GPC5: variants seen among roughly 807,000 people sequenced by gnomAD.
GPC5 encodes the protein glypican-5.
GPC5 carries 47 observed loss-of-function variants against 53.9 expected under a neutral mutation model. That is an observed-to-expected ratio of 0.87 (90% CI 0.69 to 1.11). The LOEUF (loss-of-function observed/expected upper bound fraction) is 1.11, where lower values mean the gene tolerates loss of function less well. Among genes scored for constraint, GPC5 ranks in the 50% most tolerant of loss-of-function variants. GPC5 has a pLI of 0.00. For missense variants in GPC5, 748 were observed against 713.1 expected (o/e 1.05, Z -0.56); for synonymous variants, 286 against 263.3 (o/e 1.09, Z -0.84).
chr13:91,959,626 T>C (rs1052516829), intron 6 of GPC5, among the ~76,000 whole-genome samples: 4 of 151,964 alleles, frequency 2.6e-5, no homozygotes, highest in Non-Finnish European at 5.9e-5. Flanking sequence ...CTGATGAACA[T>C]AGACACAAAA....
chr13:91,673,193 T>C (rs572267294), intron 2 of GPC5, among the ~76,000 whole-genome samples: 2 of 151,928 alleles, frequency 1.3e-5, no homozygotes, highest in Non-Finnish European at 2.9e-5. Context: ...ATGTATCCTG[T>C]GGTTTTATTT....
Position 91,847,219 on chromosome 13 carries a change from C to CAAA in GPC5, c.1281-60701_1281-60699dup, listed in dbSNP as rs58401616. On this transcript the variant is annotated intron_variant, in intron 5 of 7. Transcript: ENST00000377067. The stretch of plus-strand genomic sequence containing the variant: ...TGGGCGACAGAGCAAGACTCCATCT[C>CAAA]AAAAAAAAAAAAAAAAAAAGAAATG... Among the ~76,000 whole-genome samples, 98 of 85,952 alleles carry CAAA rather than the reference C, an allele frequency of 1.1e-3. 3 individuals are homozygous for CAAA. The highest frequency in any genetic ancestry group is 4.4e-3 in the African/African-American group (92 of 20,942). 56.4% of individuals were successfully genotyped at this position (85,952 alleles called of 152,430 possible).
At chr13:92,812,391 C>A (rs1397703507) in intron 7 of GPC5, among the ~76,000 whole-genome samples, 1 of 151,636 alleles carries the variant, frequency 6.6e-6, no homozygotes, top group Non-Finnish European at 1.5e-5. Flanking sequence ...TATACAAATA[C>A]AATTCATTCA....
At chr13:91,612,876 A>G (rs1301453926) in intron 2 of GPC5, among the ~76,000 whole-genome samples, 1 of 152,200 alleles carries the variant, frequency 6.6e-6, no homozygotes, top group Non-Finnish European at 1.5e-5. Flanking sequence ...ACCATCACAG[A>G]ACATCTGTCC....
chr13:92,638,775 A>G (rs1463489215), intron 7 of GPC5, among the ~76,000 whole-genome samples: 1 of 152,180 alleles, frequency 6.6e-6, no homozygotes, highest in East Asian at 1.9e-4. Context: ...GGGGCAGAGT[A>G]CTCGTCAACT....
intron 7 of GPC5, among the ~76,000 whole-genome samples, chr13:92,697,383 G>A (rs1887588499): frequency 6.6e-6 from 1 of 152,026 alleles, no homozygotes; most frequent in African/African-American, 2.4e-5. Flanking sequence ...TTGTGCAGTG[G>A]TTTGTAGTTC....
chr13:91,985,729 A>G (rs2040400735), intron 6 of GPC5, among the ~76,000 whole-genome samples: 2 of 152,092 alleles, frequency 1.3e-5, no homozygotes, highest in Non-Finnish European at 2.9e-5. Flanking sequence ...TTACTTTCTT[A>G]TCCCTTCAGC....
At chr13:92,280,672 T>C (rs999139239) in intron 7 of GPC5, among the ~76,000 whole-genome samples, 1 of 152,164 alleles carries the variant, frequency 6.6e-6, no homozygotes, top group African/African-American at 2.4e-5. Context: ...ACTGAGTCTT[T>C]AAAGGGGCAG....
chr13:92,167,321 C>T (rs77050455), intron 7 of GPC5, among the ~76,000 whole-genome samples: 3,827 of 152,082 alleles, frequency 0.025, 149 homozygotes, highest in African/African-American at 0.087. Context: ...AGTGAGAATT[C>T]TTTTATAAAA....
chr13:92,500,658 A>G (rs1880150696), intron 7 of GPC5, among the ~76,000 whole-genome samples: 1 of 152,152 alleles, frequency 6.6e-6, no homozygotes, highest in African/African-American at 2.4e-5. Flanking sequence ...CCCTACAGGT[A>G]GCAGTAGTAG....
intron 1 of GPC5, among the ~76,000 whole-genome samples, chr13:91,427,455 GGT>G (rs1879140143): frequency 6.6e-6 from 1 of 152,168 alleles, no homozygotes; most frequent in Non-Finnish European, 1.5e-5. Flanking sequence ...TTCCCTGACT[GGT>G]TTCATACTTG....
At chr13:92,311,613 G>T (rs754083362) in intron 7 of GPC5, among the ~76,000 whole-genome samples, 2 of 152,148 alleles carry the variant, frequency 1.3e-5, no homozygotes, top group African/African-American at 2.4e-5. Context: ...ACAAAGTCAC[G>T]TCTTACATGG....
At chr13:91,501,496 T>C (rs1464737628) in intron 2 of GPC5, among the ~76,000 whole-genome samples, 1 of 152,034 alleles carries the variant, frequency 6.6e-6, no homozygotes. Context: ...ACATGTGGTG[T>C]TTGGTTTTTT....
At chr13:92,251,685 G>T (rs185859574) in intron 7 of GPC5, among the ~76,000 whole-genome samples, 1 of 152,106 alleles carries the variant, frequency 6.6e-6, no homozygotes, top group Non-Finnish European at 1.5e-5. Flanking sequence ...GACCCTGAAT[G>T]ACAATGTCTT....
chr13:92,651,985 G>C (rs1450083417), intron 7 of GPC5, among the ~76,000 whole-genome samples: 1 of 151,992 alleles, frequency 6.6e-6, no homozygotes, highest in Non-Finnish European at 1.5e-5. Flanking sequence ...GCATTTTTGT[G>C]ACCCACTTTA....
At chr13:92,853,212 A>G (rs915452047) in intron 7 of GPC5, among the ~76,000 whole-genome samples, 2 of 152,224 alleles carry the variant, frequency 1.3e-5, no homozygotes, top group African/African-American at 4.8e-5. Context: ...CTGAGATTTT[A>G]GTTTCTGTGG....
At chr13:92,095,497 G>A (rs568093365) in intron 6 of GPC5, among the ~76,000 whole-genome samples, 69 of 151,780 alleles carry the variant, frequency 4.5e-4, no homozygotes, top group Non-Finnish European at 8.4e-4. Context: ...ACAGGTGCAC[G>A]CCACCACTCC....
At chr13:92,352,009 T>C (rs1294743782) in intron 7 of GPC5, among the ~76,000 whole-genome samples, 1 of 152,182 alleles carries the variant, frequency 6.6e-6, no homozygotes, top group Non-Finnish European at 1.5e-5. Flanking sequence ...ATATATAAGA[T>C]GCTCAGAAGA....
At chr13:91,461,913 A>T (rs561179857) in intron 2 of GPC5, among the ~76,000 whole-genome samples, 33 of 152,234 alleles carry the variant, frequency 2.2e-4, no homozygotes, top group South Asian at 1.2e-3. Context: ...ATGGGCAAAA[A>T]TACCCTCTAA....
Sources: allele counts gnomAD v4.1 joint callset (sites outside exome capture counted in the v4.1 genomes callset), GRCh38; gene constraint gnomAD v4.1.1; transcripts MANE v1.5; gene names NCBI Gene and HGNC (gene_info 2026-07-23, HGNC 2026-07-21).